The following DDB1 variants were observed in gnomAD, a reference collection of about 807,000 sequenced individuals.
DDB1 encodes DNA damage-binding protein 1.
In DDB1, 18 loss-of-function variants were observed where a neutral mutation model predicts 133.1. That is an observed-to-expected ratio of 0.14 (90% CI 0.09 to 0.20). DDB1 has a LOEUF of 0.20. Among genes scored for constraint, DDB1 ranks in the 10% least tolerant of loss-of-function variants. The pLI is 1.00. For missense variants in DDB1, 828 were observed against 1,459.2 expected, an observed-to-expected ratio of 0.57 and a Z score of 7.05; for synonymous variants, 580 against 550.5, an observed-to-expected ratio of 1.05 and a Z score of -0.75.
At chr11:61,316,996 T>C (rs373514319) in intron 10 of DDB1, among the ~76,000 whole-genome samples, 1 of 92,250 alleles carries the variant, frequency 1.1e-5, no homozygotes, top group African/African-American at 3.4e-5. Context: ...TATATATATA[T>C]ATAGACATGG....
At chr11:61,322,496 CTCTCAA>C in intron 8 of DDB1, 84 bp from the exon 9 acceptor site, 3 of 985,344 alleles carry the variant, frequency 3.0e-6, no homozygotes, top group Non-Finnish European at 4.8e-6. Context: ...CCAAAAGAAA[CTCTCAA>C]TAACTAGTTT....
chr11:61,332,695 G>A (rs1347549736), intron 1 of DDB1: 5 of 431,342 alleles, frequency 1.2e-5, no homozygotes, highest in Non-Finnish European at 2.0e-5. Context: ...CAGGACGAAA[G>A]GGGACCCTCG....
chr11:61,300,125 C>A lies in DDB1; in HGVS notation c.*11G>T. On this transcript the variant is annotated 3_prime_UTR_variant, in exon 27 of 27. Coordinates refer to ENST00000301764, the MANE Select transcript of DDB1 (RefSeq NM_001923.5). ...TTGGGGAGGGTCAGCAAAGGGGCCC[C>A]CTGCCCTTGGCTAATGGATCCGAGT... 6.2e-7 allele frequency: 1 copy of A among 1,613,894 alleles called. No homozygotes were observed. The highest frequency in any genetic ancestry group is 8.5e-7 in the Non-Finnish European group (1 of 1,179,958).
chr11:61,302,968 G>A (rs1855825515), intron 23 of DDB1, 78 bp downstream of exon 23: 1 of 1,403,646 alleles, frequency 7.1e-7, no homozygotes, highest in Non-Finnish European at 1.0e-6. Context: ...ACCTGACACA[G>A]AACCCAATGC....
chr11:61,311,306 C>T (rs1199082690), intron 18 of DDB1: 50 of 149,000 alleles, frequency 3.4e-4, no homozygotes, highest in African/African-American at 1.3e-3. Context: ...CATAACATAA[C>T]ATAACATAAC....
At chr11:61,305,271 G>A (rs1057489426) in intron 21 of DDB1, among the ~76,000 whole-genome samples, 4 of 152,250 alleles carry the variant, frequency 2.6e-5, no homozygotes, top group Non-Finnish European at 4.4e-5. Flanking sequence ...CATTTTGGGA[G>A]GCCAAGGCAG....
At chr11:61,318,865 C>G (rs1856132196) in intron 10 of DDB1, among the ~76,000 whole-genome samples, 1 of 152,142 alleles carries the variant, frequency 6.6e-6, no homozygotes, top group African/African-American at 2.4e-5. Context: ...TTGTCTTTTC[C>G]CAAATGACTA....
chr11:61,313,162 T>C (rs778278062), intron 16 of DDB1, among the ~76,000 whole-genome samples: 3 of 152,164 alleles, frequency 2.0e-5, no homozygotes, highest in Admixed American at 1.3e-4. Context: ...TAGCTGCTGG[T>C]TGGGGACACC....
intron 21 of DDB1, among the ~76,000 whole-genome samples, chr11:61,305,378 G>A (rs1284834219): frequency 6.6e-6 from 1 of 152,114 alleles, no homozygotes; most frequent in African/African-American, 2.4e-5. Flanking sequence ...ATTGTGACGT[G>A]TGCCTGTAAT....
intron 21 of DDB1, 57 bp downstream of exon 21, chr11:61,308,926 C>T (rs1855916837): frequency 6.5e-7 from 1 of 1,546,748 alleles, no homozygotes; most frequent in Non-Finnish European, 8.9e-7. Flanking sequence ...AAGAGAGACA[C>T]ATTCTGCAGA....
chr11:61,331,455 AG>A, intron 2 of DDB1, 87 bp downstream of exon 2: 1 of 1,545,054 alleles, frequency 6.5e-7, no homozygotes, highest in South Asian at 1.2e-5. Flanking sequence ...CCCGTCTCAA[AG>A]AAAATAAATA....
At chr11:61,300,612 G>C (rs971012731) in intron 26 of DDB1, among the ~76,000 whole-genome samples, 197 bp downstream of exon 26, 25 of 152,196 alleles carry the variant, frequency 1.6e-4, no homozygotes, top group African/African-American at 5.8e-4. Flanking sequence ...ACAGCATCTG[G>C]TACCTAGTGG....
In DDB1 at chr11:61,314,143, A is replaced by G; in HGVS notation, c.1657T>C (p.Ser553Pro). ...ITPLGDSNGLSPLCAIGLWTD... is the reference protein window; with the variant it reads ...ITPLGDSNGLPPLCAIGLWTD... ...CAGAGGCCAATGGCACAAAGAGGGG[A>G]CAGTCCATTGCTGTCTCCTAATGGG... The change falls in exon 14 of 27, where the codon TCC becomes CCC. Residue 553 changes from serine to proline, a missense_variant. Physicochemically the swap from Ser to Pro is moderately conservative, Grantham distance 74. Coordinates refer to ENST00000301764, the MANE Select transcript of DDB1 (RefSeq NM_001923.5). The G allele has an allele frequency of 6.2e-7, 1 of 1,614,082 alleles. No individual in the cohort carries two copies. Among genetic ancestry groups the G allele is most frequent in the Non-Finnish European group, 8.5e-7 (1 of 1,179,958 alleles).
intron 25 of DDB1, chr11:61,301,155 T>A: frequency 1.7e-6 from 1 of 585,570 alleles, no homozygotes; most frequent in Non-Finnish European, 2.9e-6. Context: ...AAATAGTTTT[T>A]AAAAGTACAG....
chr11:61,318,684 GTTTTGC>G (rs1246889241), intron 10 of DDB1, among the ~76,000 whole-genome samples: 1 of 152,038 alleles, frequency 6.6e-6, no homozygotes, highest in African/African-American at 2.4e-5. Context: ...ATAGTGTTTT[GTTTTGC>G]TTTTGCTATG....
chr11:61,328,914 AG>A (rs1375317446), intron 4 of DDB1, among the ~76,000 whole-genome samples: 2 of 152,214 alleles, frequency 1.3e-5, no homozygotes, highest in African/African-American at 4.8e-5. Context: ...GCAAGTCACC[AG>A]TAAGTGATTA....
chr11:61,331,049 C>G lies in DDB1; in HGVS notation c.210+494G>C, dbSNP rs28720252. ...GTCACAACAACCCAGGGGATTTGAT[C>G]TGAAAGGTGCCTTAAGTGGCACCTA... On this transcript the variant is annotated intron_variant, in intron 2 of 26. Transcript: ENST00000301764. Among the ~76,000 whole-genome samples, 544 of 152,306 alleles carry G rather than the reference C, an allele frequency of 3.6e-3. 1 individual carries two copies. Among genetic ancestry groups the G allele is most frequent in the Non-Finnish European group, 6.0e-3 (408 of 68,022 alleles).
rs1380552685 is a variant in DDB1 at position 61,313,632 on chromosome 11, T to A, written c.1936A>T (p.Thr646Ser). ...TCAGAACAAGCAAAGACGTTGGTGGTAGAAAGAGAACGAAAAGTCCTCAAT... is the reference window on the plus strand; with the variant it reads ...TCAGAACAAGCAAAGACGTTGGTGGAAGAAAGAGAACGAAAAGTCCTCAAT... Reference protein sequence around the residue: ...TVLRTFRSLSTTNVFACSDRP... With the variant: ...TVLRTFRSLSSTNVFACSDRP... Residue 646 changes from threonine (T) to serine (S), a missense_variant, in exon 16 of 27, where the codon ACC (threonine) becomes TCC (serine). Transcript: ENST00000301764. The A allele has an allele frequency of 6.2e-7, 1 of 1,614,072 alleles. No individual in the cohort carries two copies. The highest frequency in any genetic ancestry group is 1.1e-5 in the South Asian group (1 of 91,082).
intron 10 of DDB1, among the ~76,000 whole-genome samples, chr11:61,320,442 C>G (rs1856161093): frequency 6.6e-6 from 1 of 152,152 alleles, no homozygotes; most frequent in African/African-American, 2.4e-5. Context: ...CTCAGGTAAT[C>G]CACCCACCTC....
Sources: gnomAD v4.1 joint callset for allele counts (sites outside exome capture counted in the v4.1 genomes callset) on GRCh38, gnomAD v4.1.1 for gene constraint, MANE v1.5 for transcripts, NCBI Gene and HGNC (gene_info 2026-07-23, HGNC 2026-07-21) for gene names.